GPR137C: variants seen among roughly 807,000 people sequenced by gnomAD.
The protein encoded by GPR137C is integral membrane protein GPR137C.
A neutral mutation model predicts 43.4 loss-of-function variants in GPR137C; 27 were observed. The ratio of observed to expected loss-of-function variants is 0.62; its 90% CI spans 0.46 to 0.86. The LOEUF is 0.86. Ranked by LOEUF, GPR137C falls within the 40% of genes least tolerant of loss-of-function variation. GPR137C has a pLI of 0.00. For synonymous variants in GPR137C, 285 were observed against 226.9 expected (o/e 1.26, Z -2.30); for missense variants, 522 against 534.6 (o/e 0.98, Z 0.23).
At chr14:52,562,458 A>G (rs1032970522) in intron 1 of GPR137C, among the ~76,000 whole-genome samples, 5 of 152,190 alleles carry the variant, frequency 3.3e-5, no homozygotes, top group Admixed American at 1.3e-4. Flanking sequence ...AGAATTCAGT[A>G]ACAAAAATAA....
intron 1 of GPR137C, among the ~76,000 whole-genome samples, chr14:52,586,746 A>G (rs575921803): frequency 3.5e-4 from 53 of 152,270 alleles, no homozygotes; most frequent in Non-Finnish European, 5.9e-4. Flanking sequence ...TCCAAAACTC[A>G]CCTATTATCT....
intron 1 of GPR137C, among the ~76,000 whole-genome samples, chr14:52,575,165 C>A (rs2038531955): frequency 6.6e-6 from 1 of 152,092 alleles, no homozygotes; most frequent in Admixed American, 6.5e-5. Flanking sequence ...TTTTTAGTAA[C>A]AAAAGCTCAC....
intron 1 of GPR137C, among the ~76,000 whole-genome samples, chr14:52,564,059 A>G (rs1465136556): frequency 6.6e-6 from 1 of 152,148 alleles, no homozygotes; most frequent in Non-Finnish European, 1.5e-5. Flanking sequence ...GCAGATCACG[A>G]GGTCAGCAGT....
intron 3 of GPR137C, among the ~76,000 whole-genome samples, chr14:52,618,604 A>T (rs2039125223): frequency 6.6e-6 from 1 of 152,108 alleles, no homozygotes; most frequent in African/African-American, 2.4e-5. Flanking sequence ...TTTTTATCAG[A>T]ATTATAACTT....
At chr14:52,598,163 G>C (rs1042369573) in intron 1 of GPR137C, 109 bp from the exon 2 acceptor site, 1 of 442,582 alleles carries the variant, frequency 2.3e-6, no homozygotes, top group Non-Finnish European at 4.1e-6. Context: ...TCAACTTTGC[G>C]TGCTATATGT....
At chr14:52,589,413 TTAAA>T (rs764850819) in intron 1 of GPR137C, among the ~76,000 whole-genome samples, 18 of 152,260 alleles carry the variant, frequency 1.2e-4, no homozygotes, top group Admixed American at 5.2e-4. Flanking sequence ...TTTTTAAAAA[TTAAA>T]TAAATCATGT....
At chr14:52,591,025 C>G (rs1332870568) in intron 1 of GPR137C, among the ~76,000 whole-genome samples, 3 of 150,574 alleles carry the variant, frequency 2.0e-5, no homozygotes, top group African/African-American at 7.4e-5. Flanking sequence ...TGTTCCCCAC[C>G]CTGTGTCCAT....
intron 3 of GPR137C, among the ~76,000 whole-genome samples, chr14:52,600,586 G>A (rs2139527766): frequency 6.6e-6 from 1 of 152,144 alleles, no homozygotes; most frequent in East Asian, 1.9e-4. Context: ...AGGTAGCTGG[G>A]ACTACAGGCA....
intron 1 of GPR137C, among the ~76,000 whole-genome samples, chr14:52,564,156 T>G (rs2038329463): frequency 6.6e-6 from 1 of 151,778 alleles, no homozygotes; most frequent in Admixed American, 6.6e-5. Context: ...ACACCTCTAG[T>G]CTCAGCTACT....
chr14:52,582,063 A>G (rs1282046542), intron 1 of GPR137C, among the ~76,000 whole-genome samples: 2 of 152,184 alleles, frequency 1.3e-5, no homozygotes, highest in Admixed American at 1.3e-4. Flanking sequence ...GGTAGTTTAT[A>G]AGAAAACAAA....
At chr14:52,584,143 TC>T (rs2038683457) in intron 1 of GPR137C, among the ~76,000 whole-genome samples, 1 of 152,194 alleles carries the variant, frequency 6.6e-6, no homozygotes, top group Non-Finnish European at 1.5e-5. Flanking sequence ...GCCCACATTT[TC>T]CAATTCTAAA....
chr14:52,628,568 G>A (rs999966598), intron 3 of GPR137C, among the ~76,000 whole-genome samples: 16 of 152,178 alleles, frequency 1.1e-4, no homozygotes, highest in African/African-American at 3.9e-4. Context: ...GGCCAAGGTG[G>A]TCAGATCGCT....
In GPR137C at chr14:52,633,672, C is replaced by A; in HGVS notation, c.993+17C>A. 1 of 1,610,466 alleles carries A rather than the reference C, an allele frequency of 6.2e-7. No homozygotes were observed. The highest frequency in any genetic ancestry group is 8.5e-7 in the Non-Finnish European group (1 of 1,177,986). On this transcript the variant is annotated intron_variant, in intron 5 of 6. Transcript: ENST00000321662. ...CAGAATTTGGTATGATATAATATTCCCCAATGCCTGTTCTCCTATTTTTAA... is the reference window on the plus strand; with the variant it reads ...CAGAATTTGGTATGATATAATATTCACCAATGCCTGTTCTCCTATTTTTAA...
intron 1 of GPR137C, among the ~76,000 whole-genome samples, chr14:52,565,928 A>G (rs1464007389): frequency 2.6e-5 from 4 of 152,170 alleles, no homozygotes; most frequent in African/African-American, 7.2e-5. Context: ...CCAGTTGTAT[A>G]ATTTGTAAAG....
intron 3 of GPR137C, among the ~76,000 whole-genome samples, chr14:52,610,430 C>T (rs1279927411): frequency 1.3e-5 from 2 of 152,138 alleles, no homozygotes; most frequent in African/African-American, 2.4e-5. Context: ...TAGGTGAGTA[C>T]AGTACAATAA....
At chr14:52,601,706 A>G (rs2038927989) in intron 3 of GPR137C, among the ~76,000 whole-genome samples, 1 of 152,104 alleles carries the variant, frequency 6.6e-6, no homozygotes, top group African/African-American at 2.4e-5. Context: ...TGGTAGGAGC[A>G]ATGGCATCTT....
At chr14:52,576,955 C>T (rs1325816261) in intron 1 of GPR137C, among the ~76,000 whole-genome samples, 5 of 151,804 alleles carry the variant, frequency 3.3e-5, no homozygotes, top group African/African-American at 7.3e-5. Context: ...TTTGGGAGGC[C>T]GAGGCAGGTG....
chr14:52,602,303 G>T (rs926257529), intron 3 of GPR137C, among the ~76,000 whole-genome samples: 11 of 151,324 alleles, frequency 7.3e-5, no homozygotes, highest in Non-Finnish European at 1.5e-4. Context: ...ACTTTCTGGG[G>T]TTTTTTTGGT....
chr14:52,590,387 T>C lies in GPR137C; in HGVS notation c.445-7885T>C, dbSNP rs146525185. 2.8e-3 allele frequency among the ~76,000 whole-genome samples: 424 copies of C among 152,318 alleles called. 6 individuals carry two copies. In the East Asian group the frequency reaches 0.037, roughly 13 times the overall value. On this transcript the variant is annotated intron_variant, in intron 1 of 6. Coordinates refer to ENST00000321662, the MANE Select transcript of GPR137C (RefSeq NM_001099652.2). ...AAAAGTGTATAAATTTAAAAAGTTA[T>C]AGTAAGCTGAGGTTAATTTATTGTT...
Sources: gnomAD v4.1 joint callset for allele counts (sites outside exome capture counted in the v4.1 genomes callset) on GRCh38, gnomAD v4.1.1 for gene constraint, MANE v1.5 for transcripts, NCBI Gene and HGNC (gene_info 2026-07-23, HGNC 2026-07-21) for gene names.